Variants in WWP2 observed in about 807,000 individuals in gnomAD.
The protein encoded by WWP2 is NEDD4-like E3 ubiquitin-protein ligase WWP2.
A neutral mutation model predicts 121.0 loss-of-function variants in WWP2; 57 were observed. That is an observed-to-expected ratio of 0.47 (90% CI 0.38 to 0.59). The LOEUF (loss-of-function observed/expected upper bound fraction) is 0.59. WWP2 is among the 20% of genes least tolerant of loss of function. WWP2 has a pLI of 0.00. For missense variants in WWP2, 962 were observed against 1,158.9 expected (o/e 0.83, Z 2.47); for synonymous variants, 449 against 441.3 (o/e 1.02, Z -0.22).
At chr16:69,914,651 G>A (rs375052919) in intron 9 of WWP2, among the ~76,000 whole-genome samples, 1 of 152,102 alleles carries the variant, frequency 6.6e-6, no homozygotes, top group Non-Finnish European at 1.5e-5. Flanking sequence ...TAGCTACTTG[G>A]GAGGCTGAGG....
chr16:69,855,594 G>A (rs1490160296), intron 6 of WWP2, among the ~76,000 whole-genome samples: 1 of 152,192 alleles, frequency 6.6e-6, no homozygotes, highest in African/African-American at 2.4e-5. Flanking sequence ...ATTAAATAGG[G>A]CAGTCAAGAG....
At chr16:69,861,023 G>T (rs2057407854) in intron 6 of WWP2, among the ~76,000 whole-genome samples, 1 of 152,216 alleles carries the variant, frequency 6.6e-6, no homozygotes, top group African/African-American at 2.4e-5. Flanking sequence ...CACCTGTACA[G>T]GTTGTGCTCT....
chr16:69,883,729 C>A (rs768431903), intron 7 of WWP2, among the ~76,000 whole-genome samples: 2 of 152,074 alleles, frequency 1.3e-5, no homozygotes, highest in African/African-American at 4.8e-5. Context: ...CCTCCCCGCA[C>A]CCCACCCTGC....
At chr16:69,801,637 T>TC (rs2056169846) in intron 4 of WWP2, among the ~76,000 whole-genome samples, 1 of 151,984 alleles carries the variant, frequency 6.6e-6, no homozygotes, top group African/African-American at 2.4e-5. Context: ...AGCCTCAAAC[T>TC]CCCAGCCTCA....
intron 1 of WWP2, among the ~76,000 whole-genome samples, chr16:69,772,536 G>A (rs2055439160): frequency 6.6e-6 from 1 of 152,186 alleles, no homozygotes. Flanking sequence ...CTCCTGCAGA[G>A]CAGGGCTACG....
chr16:69,939,283 TC>T, intron 22 of WWP2, 57 bp from the exon 23 acceptor site: 1 of 1,607,724 alleles, frequency 6.2e-7, no homozygotes, highest in Non-Finnish European at 8.5e-7. Context: ...AGCCGGAGGA[TC>T]CTGCTTTGGG....
chr16:69,918,908 A>G (rs2058515309), intron 10 of WWP2, among the ~76,000 whole-genome samples: 1 of 150,556 alleles, frequency 6.6e-6, no homozygotes, highest in Admixed American at 6.6e-5. Context: ...CAGTGGCACA[A>G]TCTCGGCTCA....
At chr16:69,840,893 A>G (rs940490638) in intron 5 of WWP2, among the ~76,000 whole-genome samples, 21 of 152,210 alleles carry the variant, frequency 1.4e-4, no homozygotes, top group Non-Finnish European at 2.1e-4. Context: ...CACTTTCCAG[A>G]CACCAAGCAG....
At chr16:69,870,663 T>C (rs2057618334) in intron 6 of WWP2, among the ~76,000 whole-genome samples, 1 of 152,222 alleles carries the variant, frequency 6.6e-6, no homozygotes, top group African/African-American at 2.4e-5. Context: ...TCTCTGGGTC[T>C]CTGTTTCTCT....
At chr16:69,811,577 G>C (rs553332032) in intron 4 of WWP2, among the ~76,000 whole-genome samples, 6 of 151,920 alleles carry the variant, frequency 3.9e-5, no homozygotes, top group Non-Finnish European at 7.4e-5. Flanking sequence ...GTGAGACACA[G>C]TCTCTACAAA....
chr16:69,875,082 C>G (rs987266902), intron 7 of WWP2, among the ~76,000 whole-genome samples: 2 of 151,786 alleles, frequency 1.3e-5, no homozygotes, highest in African/African-American at 4.8e-5. Context: ...GCATAAATTA[C>G]AGACACACCT....
intron 1 of WWP2, among the ~76,000 whole-genome samples, chr16:69,785,212 G>A (rs1220593394): frequency 4.1e-5 from 2 of 48,428 alleles, no homozygotes; most frequent in Non-Finnish European, 9.8e-5. Flanking sequence ...CTCCAGCTTA[G>A]GTGTGTGAGA....
intron 4 of WWP2, among the ~76,000 whole-genome samples, chr16:69,832,228 G>A (rs1396401053): frequency 1.3e-5 from 2 of 152,104 alleles, no homozygotes; most frequent in Non-Finnish European, 2.9e-5. Flanking sequence ...CATACACAGA[G>A]GTGGAAAAAC....
At chr16:69,883,913 A>G (rs1208716455) in intron 7 of WWP2, among the ~76,000 whole-genome samples, 2 of 152,156 alleles carry the variant, frequency 1.3e-5, no homozygotes, top group African/African-American at 4.8e-5. Context: ...CTGGCATGCC[A>G]TGGGGGCTCT....
intron 7 of WWP2, among the ~76,000 whole-genome samples, chr16:69,880,801 C>T (rs528677348): frequency 6.6e-6 from 1 of 152,142 alleles, no homozygotes; most frequent in Non-Finnish European, 1.5e-5. Context: ...ACGAGCTGAT[C>T]TTCAGTAGAA....
chr16:69,864,809 A>C (rs1264803936), intron 6 of WWP2, among the ~76,000 whole-genome samples: 1 of 150,760 alleles, frequency 6.6e-6, no homozygotes, highest in Non-Finnish European at 1.5e-5. Context: ...AAGGGGTTTC[A>C]CCATGTTGGC....
intron 9 of WWP2, among the ~76,000 whole-genome samples, chr16:69,912,831 T>C (rs2058401330): frequency 7.0e-6 from 1 of 143,010 alleles, no homozygotes; most frequent in African/African-American, 2.5e-5. Context: ...GATCTGGAAG[T>C]AGAACTTCCA....
chr16:69,918,845 CTTTT>C (rs113707256), intron 10 of WWP2, among the ~76,000 whole-genome samples: 1 of 139,588 alleles, frequency 7.2e-6, no homozygotes. Flanking sequence ...CCTTTTCTTT[CTTTT>C]TTTTTTTTTT....
At position 69,776,628 on chromosome 16, in the gene WWP2, G is replaced by A. The variant is rs530478153; in HGVS notation, c.-15-10368G>A. 5.3e-5 allele frequency among the ~76,000 whole-genome samples: 8 copies of A among 152,220 alleles called. No individual in the cohort carries two copies. The East Asian group carries it at 7.7e-4, about 15-fold the overall frequency. On this transcript the variant is annotated intron_variant, in intron 1 of 23. Coordinates refer to ENST00000359154, the MANE Select transcript of WWP2 (RefSeq NM_001270454.2). ...GCGGATCACCTGAGGTCAGGTGTTC[G>A]AGACCAGCCTTAACATGGAGAAACC...
Sources: allele counts gnomAD v4.1 joint callset (sites outside exome capture counted in the v4.1 genomes callset), GRCh38; gene constraint gnomAD v4.1.1; transcripts MANE v1.5; gene names NCBI Gene and HGNC (gene_info 2026-07-23, HGNC 2026-07-21).